The following SCAI variants were observed in gnomAD, a reference collection of about 807,000 sequenced individuals.
SCAI encodes suppressor of cancer cell invasion, also known as protein SCAI.
A neutral mutation model predicts 92.2 loss-of-function variants in SCAI; 24 were observed. The ratio of observed to expected loss-of-function variants is 0.26; its 90% confidence interval spans 0.19 to 0.37. The LOEUF is 0.37. Among genes scored for constraint, SCAI ranks in the 10% least tolerant of loss-of-function variants. The pLI is 1.00. For missense variants in SCAI, 450 were observed against 736.2 expected (o/e 0.61, Z 4.50); for synonymous variants, 261 against 258.6 (o/e 1.01, Z -0.09).
intron 5 of SCAI, 93 bp downstream of exon 5, chr9:125,028,299 A>T: frequency 1.5e-6 from 1 of 686,092 alleles, no homozygotes; most frequent in Non-Finnish European, 2.5e-6. Context: ...CGTGATTTTC[A>T]TGCCTAGCAA....
intron 2 of SCAI, among the ~76,000 whole-genome samples, chr9:125,135,781 C>G (rs746577672): frequency 6.6e-6 from 1 of 151,980 alleles, no homozygotes. Context: ...ACCAGCCTAA[C>G]GAACATGGAG....
At chr9:125,024,236 C>T (rs566692470) in intron 6 of SCAI, among the ~76,000 whole-genome samples, 1 of 151,030 alleles carries the variant, frequency 6.6e-6, no homozygotes, top group Admixed American at 6.6e-5. Context: ...AAGTTTTGTC[C>T]AGTGGGAAAT....
chr9:125,032,082 A>G (rs1833084374), intron 3 of SCAI, among the ~76,000 whole-genome samples: 2 of 151,416 alleles, frequency 1.3e-5, no homozygotes, highest in Admixed American at 6.6e-5. Context: ...AAAGAAGTAC[A>G]GGCTATATTT....
At chr9:125,034,239 A>C (rs561066338) in intron 3 of SCAI, among the ~76,000 whole-genome samples, 1 of 152,320 alleles carries the variant, frequency 6.6e-6, no homozygotes, top group African/African-American at 2.4e-5. Context: ...CCCAGCTGGA[A>C]GACAGAGGGC....
intron 2 of SCAI, among the ~76,000 whole-genome samples, chr9:125,134,460 G>A (rs538926535): frequency 4.6e-5 from 7 of 152,050 alleles, no homozygotes; most frequent in Non-Finnish European, 7.3e-5. Context: ...CAAAATGCCC[G>A]GATCTCTTTG....
intron 9 of SCAI, among the ~76,000 whole-genome samples, chr9:125,016,303 G>T (rs1047579875): frequency 6.6e-6 from 1 of 150,488 alleles, no homozygotes; most frequent in Non-Finnish European, 1.5e-5. Context: ...CAGGAGAATC[G>T]CTTGAACCTG....
intron 3 of SCAI, among the ~76,000 whole-genome samples, chr9:125,049,486 T>TTC (rs1833512595): frequency 6.6e-6 from 1 of 152,238 alleles, no homozygotes; most frequent in African/African-American, 2.4e-5. Flanking sequence ...TCTAACATTA[T>TTC]TCTCACTTCA....
At chr9:124,960,061 T>C (rs945575277) in intron 17 of SCAI, among the ~76,000 whole-genome samples, 23 of 152,100 alleles carry the variant, frequency 1.5e-4, no homozygotes, top group Non-Finnish European at 2.4e-4. Flanking sequence ...AGTAATGGGA[T>C]TGCTGGGTCA....
intron 9 of SCAI, among the ~76,000 whole-genome samples, chr9:125,014,582 A>G (rs1202225487): frequency 6.6e-6 from 1 of 152,264 alleles, no homozygotes; most frequent in Non-Finnish European, 1.5e-5. Flanking sequence ...GGAAGAATCA[A>G]TAACATGAAA....
At chr9:125,082,156 G>A (rs1212749571) in intron 2 of SCAI, among the ~76,000 whole-genome samples, 1 of 152,200 alleles carries the variant, frequency 6.6e-6, no homozygotes, top group Non-Finnish European at 1.5e-5. Context: ...GTGGTCTAGA[G>A]ACTTGGTGCC....
rs1365502751 is a variant in SCAI, at chr9:125,091,116, CA to C, written c.99-35110del. On this transcript the variant is annotated intron_variant, in intron 2 of 17. Coordinates refer to ENST00000336505, the MANE Select transcript of SCAI (RefSeq NM_001144877.3). The surrounding 1 kb of genome is among the most constrained non-coding windows in gnomAD (Gnocchi z 4.3). ...TGGGTGACAAAGCGAGACTCTGTCT[CA>C]AAAAAAAGAAAGGACAGGTTCATAA... 6.6e-6 allele frequency among the ~76,000 whole-genome samples: 1 copy of C among 151,502 alleles called. No homozygotes were observed. The highest frequency in any genetic ancestry group is 1.5e-5 in the Non-Finnish European group (1 of 67,890).
intron 12 of SCAI, 76 bp from the exon 13 acceptor site, chr9:125,000,066 T>C: frequency 1.7e-6 from 1 of 605,252 alleles, no homozygotes; most frequent in Non-Finnish European, 2.9e-6. Context: ...ACAAAGGTAC[T>C]GTGTGAATCT....
intron 9 of SCAI, among the ~76,000 whole-genome samples, chr9:125,010,116 G>A (rs1564377106): frequency 1.3e-5 from 2 of 152,182 alleles, no homozygotes; most frequent in South Asian, 2.1e-4. Context: ...CGCAGAAGAC[G>A]GGTGATTTCT....
intron 3 of SCAI, among the ~76,000 whole-genome samples, chr9:125,030,039 T>C (rs1833041482): frequency 6.6e-6 from 1 of 152,220 alleles, no homozygotes; most frequent in African/African-American, 2.4e-5. Flanking sequence ...CACTCACTTA[T>C]ATACTGACAA....
At chr9:125,129,411 T>TA (rs928451442) in intron 2 of SCAI, among the ~76,000 whole-genome samples, 1 of 141,790 alleles carries the variant, frequency 7.1e-6, no homozygotes. Context: ...GACTCCAACT[T>TA]AAAAAAAATA....
intron 2 of SCAI, among the ~76,000 whole-genome samples, chr9:125,070,880 G>A (rs1438511498): frequency 2.0e-5 from 3 of 152,092 alleles, no homozygotes; most frequent in Non-Finnish European, 2.9e-5. Context: ...TACCCAAATC[G>A]CATCTTGAAT....
chr9:125,089,968 T>C (rs944149788), intron 2 of SCAI, among the ~76,000 whole-genome samples: 1 of 152,196 alleles, frequency 6.6e-6, no homozygotes, highest in Non-Finnish European at 1.5e-5. Context: ...TAATGAGTGC[T>C]GGGAAATAAA....
chr9:125,028,461 C>T lies in SCAI; in HGVS notation c.344G>A (p.Arg115Gln), dbSNP rs763999121. ...TATTTGCCAGCGCTTCAAGCCATAC[C>T]GATTATCCAAGACTTGTCTGTTTTA... ...QQQHRQVLDN[R>Q]YGLKRWQIGE... Residue 115 changes from arginine to glutamine, a missense_variant, in exon 5 of 18, where the codon CGG (arginine) becomes CAG (glutamine). Coordinates refer to ENST00000336505, the MANE Select transcript of SCAI (RefSeq NM_001144877.3). 43 of 1,592,106 alleles carry T rather than the reference C, an allele frequency of 2.7e-5. No individual in the cohort carries two copies. Among genetic ancestry groups the T allele is most frequent in the South Asian group, 1.1e-5 (1 of 87,284 alleles).
At chr9:125,097,449 T>C (rs977339336) in intron 2 of SCAI, among the ~76,000 whole-genome samples, 4 of 151,826 alleles carry the variant, frequency 2.6e-5, no homozygotes, top group African/African-American at 9.7e-5. Context: ...AAAGTAATAA[T>C]TTAGAAAAAA....
Sources: allele counts gnomAD v4.1 joint callset (sites outside exome capture counted in the v4.1 genomes callset), GRCh38; gene constraint gnomAD v4.1.1; non-coding constraint Gnocchi (gnomAD v3.1); transcripts MANE v1.5; gene names NCBI Gene and HGNC (gene_info 2026-07-23, HGNC 2026-07-21).